SLC22A16: variants seen among roughly 807,000 people sequenced by gnomAD.
SLC22A16 encodes solute carrier family 22 member 16.
Under a neutral mutation model 52.9 loss-of-function variants are expected in SLC22A16, and 53 were observed. The ratio of observed to expected loss-of-function variants is 1.00; its 90% CI spans 0.80 to 1.26. SLC22A16 has a LOEUF of 1.26. Among genes scored for constraint, SLC22A16 ranks in the 50% most tolerant of loss-of-function variants. The pLI is 0.00. For missense variants in SLC22A16, 726 were observed against 704.0 expected, an observed-to-expected ratio of 1.03 and a Z score of -0.35; for synonymous variants, 291 against 268.8, an observed-to-expected ratio of 1.08 and a Z score of -0.81.
At position 110,424,897 on chromosome 6, in the gene SLC22A16, G is replaced by T; in HGVS notation, c.1710C>A (p.Pro570=). 1 of 1,614,170 alleles carries T rather than the reference G, an allele frequency of 6.2e-7. No individual in the cohort carries two copies. ...TTTATTCACCAAGACCAGAATCCCT[G>T]GGGGTAATCGCTTCCGTTTTTTCCA... The part of the protein sequence containing the change: ...SGLEKTEAIT[P]RDSGLGE The change falls in exon 8 of 8, where the codon CCC becomes CCA. Residue 570 remains proline, a synonymous_variant. Coordinates refer to ENST00000368919, the MANE Select transcript of SLC22A16 (RefSeq NM_033125.4).
intron 1 of SLC22A16, among the ~76,000 whole-genome samples, chr6:110,467,051 G>A (rs1776094443): frequency 6.6e-6 from 1 of 152,142 alleles, no homozygotes; most frequent in Non-Finnish European, 1.5e-5. Context: ...GAGAATGAGA[G>A]TTTTTAAAAA....
Position 110,442,281 on chromosome 6 carries a change from G to C in SLC22A16, c.1146C>G (p.Asn382Lys). The C allele has an allele frequency of 6.2e-7, 1 of 1,614,126 alleles. No individual in the cohort carries two copies. The highest frequency in any genetic ancestry group is 8.5e-7 in the Non-Finnish European group (1 of 1,180,018). Reference sequence around the variant, plus strand: ...GGTTTAAGTATTCATTGCCTCCTAAGTTAACAGAATTCAAGGAAAACGAGT... The same window carrying C: ...GGTTTAAGTATTCATTGCCTCCTAACTTAACAGAATTCAAGGAAAACGAGT... Reference protein sequence around the residue: ...GFYSFSLNSVNLGGNEYLNLF... With the variant: ...GFYSFSLNSVKLGGNEYLNLF... Residue 382 changes from asparagine to lysine, a missense_variant, in exon 4 of 8, where the codon AAC becomes AAG. Physicochemically the swap from Asn to Lys is moderately conservative, Grantham distance 94. Coordinates refer to ENST00000368919, the MANE Select transcript of SLC22A16 (RefSeq NM_033125.4).
Position 110,435,839 on chromosome 6 carries a change from A to C in SLC22A16, c.1421+13T>G, listed in dbSNP as rs760211455. The C allele has an allele frequency of 6.4e-7, 1 of 1,555,308 alleles. No homozygotes were observed. Among genetic ancestry groups the C allele is most frequent in the Non-Finnish European group, 8.8e-7 (1 of 1,140,720 alleles). On this transcript the variant is annotated intron_variant, in intron 6 of 7. Coordinates refer to ENST00000368919, the MANE Select transcript of SLC22A16 (RefSeq NM_033125.4). ...GATAATAGGAAAACAACCAGAAAAC[A>C]ATTCATCCTTACCTTACAATGGTTG...
intron 1 of SLC22A16, among the ~76,000 whole-genome samples, chr6:110,459,436 A>G (rs1427222657): frequency 1.3e-5 from 2 of 152,176 alleles, no homozygotes; most frequent in East Asian, 3.9e-4. Context: ...ACCTTAGTTT[A>G]ATAATTTAAA....
chr6:110,452,341 CA>C (rs1449350914), intron 2 of SLC22A16, among the ~76,000 whole-genome samples: 1 of 152,050 alleles, frequency 6.6e-6, no homozygotes, highest in Non-Finnish European at 1.5e-5. Flanking sequence ...TTTTTTCATA[CA>C]AAATTGTAAT....
intron 2 of SLC22A16, chr6:110,453,531 G>T (rs957115035): frequency 2.3e-6 from 1 of 435,870 alleles, no homozygotes; most frequent in Non-Finnish European, 4.6e-6. Flanking sequence ...TACTTACTTC[G>T]TTAGCAAGCA....
chr6:110,454,910 T>TCATATATAATATATATATTATAA, intron 2 of SLC22A16, among the ~76,000 whole-genome samples: 1 of 91,954 alleles, frequency 1.1e-5, no homozygotes, highest in African/African-American at 4.4e-5. Context: ...ATATGTTATA[T>TCATATATAATATATATATTATAA]TATATATAAT....
At chr6:110,451,462 C>T (rs764973470) in intron 2 of SLC22A16, among the ~76,000 whole-genome samples, 4 of 152,208 alleles carry the variant, frequency 2.6e-5, no homozygotes, top group Non-Finnish European at 5.9e-5. Context: ...CTCACCAACA[C>T]TTAGTATTAC....
At position 110,429,382 on chromosome 6, in the gene SLC22A16, G is replaced by A. The variant is rs146452608; in HGVS notation, c.1521+1789C>T. Among the ~76,000 whole-genome samples, 384 of 152,294 alleles carry A rather than the reference G, an allele frequency of 2.5e-3. 1 individual carries two copies. The highest frequency in any genetic ancestry group is 6.8e-3 in the Middle Eastern group (2 of 294). On this transcript the variant is annotated intron_variant, in intron 7 of 7. Coordinates refer to ENST00000368919, the MANE Select transcript of SLC22A16 (RefSeq NM_033125.4). The stretch of plus-strand genomic sequence containing the variant: ...CACTCATGCCAAGCCAGCGATTCCC[G>A]AAGAGCCGTATGTGTACCTGCTGTG...
intron 2 of SLC22A16, chr6:110,453,662 A>G (rs1775469074): frequency 2.2e-6 from 1 of 456,092 alleles, no homozygotes; most frequent in Admixed American, 2.3e-5. Context: ...TGGGGAATCC[A>G]CTGGTTTTGT....
chr6:110,446,811 G>T, intron 3 of SLC22A16, 62 bp downstream of exon 3: 1 of 1,412,902 alleles, frequency 7.1e-7, no homozygotes. Context: ...GCAAAATGAT[G>T]AGAGTTAAGG....
rs192261672 is a variant in SLC22A16, at chr6:110,467,671, C to T, written c.53+8851G>A. 6.6e-5 allele frequency among the ~76,000 whole-genome samples: 10 copies of T among 152,248 alleles called. No homozygotes were observed. The East Asian group carries it at 1.7e-3, about 26-fold the overall frequency. On this transcript the variant is annotated intron_variant, in intron 1 of 7. Transcript: ENST00000368919. ...TGTATCCAAAAATTTAGCCTGGGTC[C>T]CCCATCAGTTAAATTTTAAAAAGTG...
chr6:110,431,414 C>T (rs1191613629), intron 6 of SLC22A16, 144 bp from the exon 7 acceptor site: 6 of 632,032 alleles, frequency 9.5e-6, no homozygotes, highest in South Asian at 5.6e-5. Context: ...CAGTCAACCT[C>T]GGTGGCCCCG....
At chr6:110,472,001 A>T (rs1046105913) in intron 1 of SLC22A16, among the ~76,000 whole-genome samples, 1 of 152,198 alleles carries the variant, frequency 6.6e-6, no homozygotes, top group Non-Finnish European at 1.5e-5. Flanking sequence ...ACAAGGGGGC[A>T]TTTTCCCTGA....
chr6:110,439,134 G>A (rs1200934276), intron 4 of SLC22A16, among the ~76,000 whole-genome samples: 1 of 152,174 alleles, frequency 6.6e-6, no homozygotes, highest in Non-Finnish European at 1.5e-5. Context: ...AACTGTCTCA[G>A]GAGATAAAAA....
At chr6:110,447,183 A>G (rs1278666711) in intron 2 of SLC22A16, among the ~76,000 whole-genome samples, 193 bp from the exon 3 acceptor site, 1 of 152,166 alleles carries the variant, frequency 6.6e-6, no homozygotes, top group African/African-American at 2.4e-5. Context: ...TTCAGTGGAG[A>G]GGCCTTTACC....
At chr6:110,446,746 T>C in intron 3 of SLC22A16, 127 bp downstream of exon 3, 1 of 790,454 alleles carries the variant, frequency 1.3e-6, no homozygotes, top group Non-Finnish European at 2.1e-6. Context: ...GGCAGACTTC[T>C]GCAGTGGAGT....
chr6:110,456,071 GC>G (rs1442407766), intron 2 of SLC22A16: 1 of 154,094 alleles, frequency 6.5e-6, no homozygotes, highest in Non-Finnish European at 1.4e-5. Context: ...GTTATATCAA[GC>G]CCATAATTTT....
chr6:110,447,678 A>G (rs1038906899), intron 2 of SLC22A16, among the ~76,000 whole-genome samples: 2 of 152,100 alleles, frequency 1.3e-5, no homozygotes, highest in Non-Finnish European at 2.9e-5. Context: ...TGCTCCCTCC[A>G]GTCTCTGACA....
Sources: allele counts gnomAD v4.1 joint callset (sites outside exome capture counted in the v4.1 genomes callset), GRCh38; gene constraint gnomAD v4.1.1; transcripts MANE v1.5; gene names NCBI Gene and HGNC (gene_info 2026-07-23, HGNC 2026-07-21).